TANGO6: variants seen among roughly 807,000 people sequenced by gnomAD.
The protein encoded by TANGO6 is transport and golgi organization 6 homolog, also known as transport and Golgi organization protein 6 homolog.
In TANGO6, 90 loss-of-function variants were observed where a neutral mutation model predicts 114.2. The observed-to-expected ratio is 0.79, with a 90% CI of 0.66 to 0.94. The LOEUF is 0.94. Among genes scored for constraint, TANGO6 ranks in the 40% least tolerant of loss-of-function variants. The probability of loss-of-function intolerance (pLI) is 0.00; values close to 1 mark genes in which losing one functional copy is unlikely to be tolerated. For missense variants in TANGO6, 1,274 were observed against 1,315.3 expected, an observed-to-expected ratio of 0.97 and a Z score of 0.49; for synonymous variants, 477 against 509.8, an observed-to-expected ratio of 0.94 and a Z score of 0.87.
intron 11 of TANGO6, among the ~76,000 whole-genome samples, chr16:68,915,827 A>G (rs1962996225): frequency 6.6e-6 from 1 of 152,224 alleles, no homozygotes; most frequent in South Asian, 2.1e-4. Flanking sequence ...AGCTTGCAAT[A>G]AAGATTCTAG....
chr16:68,892,663 C>A (rs1335506193), intron 7 of TANGO6, among the ~76,000 whole-genome samples: 1 of 151,990 alleles, frequency 6.6e-6, no homozygotes, highest in African/African-American at 2.4e-5. Flanking sequence ...TATAGGCACC[C>A]ACCACCACAT....
In TANGO6 at chr16:68,928,554, C is replaced by A. The variant is rs1016372372; in HGVS notation, c.2643+471C>A. Among the ~76,000 whole-genome samples the A allele has an allele frequency of 7.2e-5, 11 of 152,234 alleles. No homozygotes were observed. The East Asian group carries it at 2.1e-3, about 29-fold the overall frequency. On this transcript the variant is annotated intron_variant, in intron 13 of 17. Transcript: ENST00000261778. ...TGACCTCGTGATCCACCTGCCTCGG[C>A]CTCCCAAAGTGCTGGGATTACAGGC...
At chr16:69,081,574 C>G (rs192764301) in intron 17 of TANGO6, among the ~76,000 whole-genome samples, 1 of 151,992 alleles carries the variant, frequency 6.6e-6, no homozygotes, top group Non-Finnish European at 1.5e-5. Flanking sequence ...CTCCTGACCT[C>G]AAATGATCCA....
chr16:68,847,677 G>A (rs976515646), intron 1 of TANGO6, among the ~76,000 whole-genome samples: 1 of 152,204 alleles, frequency 6.6e-6, no homozygotes, highest in Non-Finnish European at 1.5e-5. Context: ...ATGCCAGTGG[G>A]TCAGAACACT....
chr16:68,847,778 T>A (rs1487302666), intron 1 of TANGO6, among the ~76,000 whole-genome samples: 1 of 152,004 alleles, frequency 6.6e-6, no homozygotes, highest in Non-Finnish European at 1.5e-5. Context: ...GGCGGGTGGA[T>A]CTCCCGAGGT....
intron 8 of TANGO6, among the ~76,000 whole-genome samples, chr16:68,902,045 T>G (rs1962791892): frequency 6.9e-6 from 1 of 145,840 alleles, no homozygotes; most frequent in African/African-American, 2.6e-5. Context: ...ACACTTGGAA[T>G]TACCAAAAAA....
intron 14 of TANGO6, among the ~76,000 whole-genome samples, chr16:68,944,362 C>T (rs536037350): frequency 2.0e-5 from 3 of 152,098 alleles, no homozygotes; most frequent in African/African-American, 4.8e-5. Flanking sequence ...ACCAAGAGGA[C>T]GATCAGCTGC....
chr16:68,931,009 TC>T, intron 14 of TANGO6, among the ~76,000 whole-genome samples: 1 of 152,284 alleles, frequency 6.6e-6, no homozygotes, highest in South Asian at 2.1e-4. Flanking sequence ...TATTTTCTTA[TC>T]AAAAAATTTT....
At chr16:68,851,344 G>T (rs1961899843) in intron 1 of TANGO6, among the ~76,000 whole-genome samples, 1 of 152,008 alleles carries the variant, frequency 6.6e-6, no homozygotes, top group Admixed American at 6.6e-5. Flanking sequence ...ATTTTTAGTA[G>T]AGACAGGGTT....
chr16:68,970,913 T>C (rs993852025), intron 14 of TANGO6, among the ~76,000 whole-genome samples: 1 of 152,110 alleles, frequency 6.6e-6, no homozygotes, highest in Non-Finnish European at 1.5e-5. Flanking sequence ...ATCCCAGCAC[T>C]TTGGGAGGCC....
chr16:69,019,761 C>T (rs1346963043), intron 15 of TANGO6, among the ~76,000 whole-genome samples: 1 of 152,148 alleles, frequency 6.6e-6, no homozygotes, highest in African/African-American at 2.4e-5. Context: ...TGGTCTCAAA[C>T]TCCTGGGCTC....
In TANGO6 at chr16:68,867,157, G is replaced by A; in HGVS notation, c.931G>A (p.Glu311Lys). 2 of 1,613,920 alleles carry A rather than the reference G, an allele frequency of 1.2e-6. No homozygotes were observed. Among genetic ancestry groups the A allele is most frequent in the South Asian group, 2.2e-5 (2 of 91,076 alleles). The change falls in exon 4 of 18, where the codon GAA becomes AAA. Residue 311 changes from glutamate to lysine, a missense_variant. This residue lies in a region of TANGO6 where 908 missense variants were observed against 910.2 expected (regional missense o/e 1.00). Transcript: ENST00000261778. Reference protein sequence around the residue: ...LRRLCGQLLSERLMRPNGVQA... With the variant: ...LRRLCGQLLSKRLMRPNGVQA... ...GCGTCTATGTGGACAGCTGCTCTCT[G>A]AAAGGTTAATGAGACCTAATGGTGT...
intron 1 of TANGO6, among the ~76,000 whole-genome samples, chr16:68,853,361 A>G (rs1251198471): frequency 6.6e-6 from 1 of 152,096 alleles, no homozygotes. Context: ...AAAGGAAAAA[A>G]AAAAGAAACC....
At chr16:68,901,445 T>C (rs1278434865) in intron 8 of TANGO6, among the ~76,000 whole-genome samples, 1 of 152,218 alleles carries the variant, frequency 6.6e-6, no homozygotes, top group Non-Finnish European at 1.5e-5. Flanking sequence ...AGGGAGGCTG[T>C]ACATCTGTGA....
At chr16:68,999,954 C>A (rs140877822) in intron 15 of TANGO6, among the ~76,000 whole-genome samples, 509 of 152,268 alleles carry the variant, frequency 3.3e-3, no homozygotes, top group Middle Eastern at 0.01. Context: ...TTGTCAGAGT[C>A]CTGTAGCTGA....
At chr16:68,989,799 C>T (rs1445718106) in intron 15 of TANGO6, among the ~76,000 whole-genome samples, 1 of 152,118 alleles carries the variant, frequency 6.6e-6, no homozygotes, top group Admixed American at 6.5e-5. Flanking sequence ...TTTGTCATGC[C>T]TGTGGTGGGC....
At chr16:68,930,867 C>T (rs1044785751) in intron 14 of TANGO6, among the ~76,000 whole-genome samples, 1 of 152,078 alleles carries the variant, frequency 6.6e-6, no homozygotes, top group East Asian at 1.9e-4. Context: ...GAACTCCTGA[C>T]CTCCAGTGAT....
chr16:68,900,826 C>T (rs1343551048), intron 8 of TANGO6, among the ~76,000 whole-genome samples: 1 of 152,124 alleles, frequency 6.6e-6, no homozygotes, highest in Non-Finnish European at 1.5e-5. Flanking sequence ...TGCCACTTTT[C>T]GATCAGTGAG....
chr16:68,856,469 A>G (rs1961995478), intron 1 of TANGO6, among the ~76,000 whole-genome samples: 1 of 152,220 alleles, frequency 6.6e-6, no homozygotes, highest in Non-Finnish European at 1.5e-5. Flanking sequence ...ATTCTTTTCT[A>G]TATCACTGCA....
Sources: gnomAD v4.1 joint callset for allele counts (sites outside exome capture counted in the v4.1 genomes callset) on GRCh38, gnomAD v4.1.1 for gene constraint, gnomAD v4.1.1 regional missense constraint, MANE v1.5 for transcripts, NCBI Gene and HGNC (gene_info 2026-07-23, HGNC 2026-07-21) for gene names.